CYP4F12: variants seen among roughly 807,000 people sequenced by gnomAD.
CYP4F12 encodes cytochrome P450 4F12.
In CYP4F12, 60 loss-of-function variants were observed where a neutral mutation model predicts 56.5. That is an observed-to-expected ratio of 1.06 (90% CI 0.86 to 1.32). CYP4F12 has a LOEUF of 1.32. Ranked by LOEUF, CYP4F12 falls within the 40% of genes most tolerant of loss-of-function variation. The pLI, the probability that CYP4F12 is intolerant of heterozygous loss-of-function variation, is 0.00. For synonymous variants in CYP4F12, 263 were observed against 264.9 expected (o/e 0.99, Z 0.07); for missense variants, 711 against 683.5 (o/e 1.04, Z -0.45).
At chr19:15,687,652 A>T in intron 9 of CYP4F12, among the ~76,000 whole-genome samples, 1 of 151,952 alleles carries the variant, frequency 6.6e-6, no homozygotes, top group Non-Finnish European at 1.5e-5. Context: ...GAATCCTCAG[A>T]GTAAGAGGGG....
intron 9 of CYP4F12, among the ~76,000 whole-genome samples, chr19:15,690,644 A>G (rs11879787): frequency 0.19 from 28,494 of 152,100 alleles, 2,846 homozygotes; most frequent in South Asian, 0.23. Context: ...GATTGCCACA[A>G]ATGAAAGAAT....
At chr19:15,695,836 A>G in intron 9 of CYP4F12, 100 bp from the exon 10 acceptor site, 2 of 1,473,444 alleles carry the variant, frequency 1.4e-6, no homozygotes, top group Non-Finnish European at 1.8e-6. Flanking sequence ...CGTGGAGTTT[A>G]TTTTGTGATA....
intron 9 of CYP4F12, among the ~76,000 whole-genome samples, chr19:15,689,362 C>T (rs1426391109): frequency 6.6e-6 from 1 of 152,116 alleles, no homozygotes; most frequent in African/African-American, 2.4e-5. Context: ...TGAAAAAATG[C>T]TCAACATCAC....
At position 15,685,245 on chromosome 19, in the gene CYP4F12, G is replaced by T. The variant is rs778944048; in HGVS notation, c.1115+48G>T. ...TGTTCCTGAGCCCATCATTGGTTCT[G>T]CTCCCCAAGTGAGGAGGGGTGGAGG... On this transcript the variant is annotated intron_variant, in intron 9 of 12. Coordinates refer to ENST00000550308, the MANE Select transcript of CYP4F12 (RefSeq NM_023944.4). 15 of 1,596,142 alleles carry T rather than the reference G, an allele frequency of 9.4e-6. No homozygotes were observed. The African/African-American group carries it at 1.7e-4, about 19-fold the overall frequency.
intron 9 of CYP4F12, among the ~76,000 whole-genome samples, chr19:15,692,923 A>C (rs893666375): frequency 1.3e-5 from 2 of 152,012 alleles, no homozygotes; most frequent in Non-Finnish European, 2.9e-5. Flanking sequence ...AAAATAAAAA[A>C]AAAAATTAGC....
At chr19:15,675,016 T>C (rs1239398004) in intron 2 of CYP4F12, among the ~76,000 whole-genome samples, 2 of 152,248 alleles carry the variant, frequency 1.3e-5, no homozygotes, top group African/African-American at 4.8e-5. Flanking sequence ...GCAGGAATTA[T>C]CTCTGACTTC....
chr19:15,678,546 C>G (rs2007112248), intron 3 of CYP4F12, 141 bp downstream of exon 3: 10 of 1,205,646 alleles, frequency 8.3e-6, no homozygotes, highest in Middle Eastern at 2.8e-4. Context: ...GCCATCTGCT[C>G]CCTGTCTTGG....
Position 15,697,128 on chromosome 19 carries a change from T to C in CYP4F12, c.*43T>C, listed in dbSNP as rs770285211. 1.3e-6 allele frequency: 2 copies of C among 1,584,480 alleles called. No individual in the cohort carries two copies. Among genetic ancestry groups the C allele is most frequent in the African/African-American group, 2.7e-5 (2 of 74,364 alleles). On this transcript the variant is annotated 3_prime_UTR_variant, in exon 13 of 13. Transcript: ENST00000550308. Reference sequence around the variant, plus strand: ...CTGTTTTTTTGCAGATTGTCATGAATAAAACGGTGCTGTCACCTCTGCCTG... The same window carrying C: ...CTGTTTTTTTGCAGATTGTCATGAACAAAACGGTGCTGTCACCTCTGCCTG...
intron 6 of CYP4F12, among the ~76,000 whole-genome samples, chr19:15,682,999 A>C (rs1183246624): frequency 6.6e-6 from 1 of 152,132 alleles, no homozygotes; most frequent in Non-Finnish European, 1.5e-5. Flanking sequence ...GGCCTCAGAA[A>C]ATGTTGGGAT....
intron 9 of CYP4F12, among the ~76,000 whole-genome samples, chr19:15,693,842 T>A (rs367879334): frequency 0.16 from 17,846 of 114,114 alleles, 2,277 homozygotes; most frequent in African/African-American, 0.28. Flanking sequence ...TAAGTCTTTA[T>A]TCCATCTTGA....
intron 6 of CYP4F12, among the ~76,000 whole-genome samples, 175 bp downstream of exon 6, chr19:15,682,685 G>A (rs1416947464): frequency 6.6e-6 from 1 of 152,194 alleles, no homozygotes; most frequent in Non-Finnish European, 1.5e-5. Flanking sequence ...AAATATGTGT[G>A]TAAAAGCAAG....
intron 2 of CYP4F12, among the ~76,000 whole-genome samples, 168 bp downstream of exon 2, chr19:15,673,895 C>T (rs78556748): frequency 0.21 from 329 of 1,578 alleles, 52 homozygotes; most frequent in East Asian, 1. Flanking sequence ...ATTCCTCTAC[C>T]CACTCACTCC....
In CYP4F12 at chr19:15,676,331, C is replaced by G. The variant is rs112247249; in HGVS notation, c.199-1930C>G. ...CCTGTGCCCATTCACTCATTCCTCT[C>G]CTCACTCACTCATTCTAATACCAAC... is the stretch of plus-strand genomic sequence containing the variant. On this transcript the variant is annotated intron_variant, in intron 2 of 12. Coordinates refer to ENST00000550308, the MANE Select transcript of CYP4F12 (RefSeq NM_023944.4). Among the ~76,000 whole-genome samples the G allele has an allele frequency of 1.3e-3, 173 of 129,930 alleles. 1 individual carries two copies. Among genetic ancestry groups the G allele is most frequent in the Middle Eastern group, 9.8e-3 (2 of 204 alleles). 85.2% of individuals were successfully genotyped at this position (129,930 alleles called of 152,430 possible). A position where few individuals can be genotyped will look rare whatever the true frequency, so the allele number is the denominator to read the frequency against.
intron 6 of CYP4F12, among the ~76,000 whole-genome samples, chr19:15,683,185 A>G (rs937844749): frequency 6.6e-6 from 1 of 152,076 alleles, no homozygotes. Context: ...AGTTGTGTGG[A>G]CAGTTTTGGT....
chr19:15,681,832 A>C (rs941971404), intron 5 of CYP4F12: 3 of 152,668 alleles, frequency 2.0e-5, no homozygotes, highest in African/African-American at 7.2e-5. Context: ...ATTTATTACA[A>C]TGGAGATGAA....
intron 9 of CYP4F12, among the ~76,000 whole-genome samples, chr19:15,694,027 T>C (rs1186536507): frequency 6.6e-6 from 1 of 152,006 alleles, no homozygotes; most frequent in Non-Finnish European, 1.5e-5. Flanking sequence ...CTGAGGGCTC[T>C]GTTCTGTTCC....
At position 15,684,756 on chromosome 19, in the gene CYP4F12, T is replaced by TTGTGTGTGTGTGTGTGTG. The variant is rs3063212; in HGVS notation, c.919-34_919-17dup. ...TCCGGAGTCTCAGAGATAGTATAAT[T>TTGTGTGTGTGTGTGTGTG]TGTGTGTGTGTGTGTGTGTGTGTGT... On this transcript the variant is annotated intron_variant, in intron 7 of 12. Transcript: ENST00000550308. The TTGTGTGTGTGTGTGTGTG allele has an allele frequency of 1.6e-4, 164 of 1,044,650 alleles. No homozygotes were observed. In the African/African-American group the frequency reaches 2.4e-3, roughly 16 times the overall value. 64.7% of individuals were successfully genotyped at this position (1,044,650 alleles called of 1,614,324 possible).
At chr19:15,683,471 C>A in intron 6 of CYP4F12, 22 bp from the exon 7 acceptor site, 1 of 1,560,508 alleles carries the variant, frequency 6.4e-7, no homozygotes, top group Admixed American at 1.9e-5. Flanking sequence ...TTGTTGCCTC[C>A]CTTTCTGCCC....
intron 6 of CYP4F12, among the ~76,000 whole-genome samples, chr19:15,683,092 CAGAG>C (rs758130313): frequency 7.4e-6 from 1 of 134,806 alleles, no homozygotes; most frequent in Non-Finnish European, 1.6e-5. Flanking sequence ...GACAGAGAGA[CAGAG>C]AGAGAGAGAG....
Sources: gnomAD v4.1 joint callset for allele counts (sites outside exome capture counted in the v4.1 genomes callset) on GRCh38, gnomAD v4.1.1 for gene constraint, MANE v1.5 for transcripts, NCBI Gene and HGNC (gene_info 2026-07-23, HGNC 2026-07-21) for gene names.